Variants in IL5RA observed in about 807,000 individuals in gnomAD.
IL5RA encodes the protein interleukin 5 receptor subunit alpha, also known as interleukin-5 receptor subunit alpha.
A neutral mutation model predicts 50.0 loss-of-function variants in IL5RA; 49 were observed. That is an observed-to-expected ratio of 0.98 (90% CI 0.78 to 1.24). IL5RA has a LOEUF of 1.24. Among genes scored for constraint, IL5RA ranks in the 50% most tolerant of loss-of-function variants. The pLI is 0.00. For missense variants in IL5RA, 600 were observed against 500.4 expected (o/e 1.20, Z -1.90); for synonymous variants, 202 against 174.0 (o/e 1.16, Z -1.26).
intron 9 of IL5RA, among the ~76,000 whole-genome samples, chr3:3,082,223 C>T (rs59846188): frequency 2.0e-4 from 30 of 151,960 alleles, no homozygotes; most frequent in African/African-American, 2.7e-4. Flanking sequence ...TGGGAGATCC[C>T]GTAGTATAGT....
chr3:3,082,966 A>G (rs114436130), intron 9 of IL5RA, among the ~76,000 whole-genome samples: 167 of 152,324 alleles, frequency 1.1e-3, no homozygotes, highest in African/African-American at 3.9e-3. Flanking sequence ...TAGTAAATTG[A>G]TGGGATGCTT....
At chr3:3,087,551 G>T (rs17879222) in intron 9 of IL5RA, among the ~76,000 whole-genome samples, 130 of 152,026 alleles carry the variant, frequency 8.6e-4, no homozygotes, top group African/African-American at 2.5e-3. Context: ...TGAGAAAATT[G>T]TATATTAATA....
chr3:3,084,773 G>T (rs1702791956), intron 9 of IL5RA, among the ~76,000 whole-genome samples: 1 of 152,256 alleles, frequency 6.6e-6, no homozygotes, highest in Admixed American at 6.5e-5. Context: ...GCTTCCAGCA[G>T]TTCCTTCACC....
chr3:3,075,597 G>A (rs71311733), intron 10 of IL5RA, among the ~76,000 whole-genome samples: 3 of 149,432 alleles, frequency 2.0e-5, no homozygotes, highest in Admixed American at 1.3e-4. Flanking sequence ...CTGTTTAATA[G>A]AAAAGTCTTT....
rs1216073420 is a variant in IL5RA at position 3,067,160 on chromosome 3, C to G, written c.*3065G>C. 6.6e-6 allele frequency: 1 copy of G among 152,240 alleles called. No homozygotes were observed. Among genetic ancestry groups the G allele is most frequent in the Non-Finnish European group, 1.5e-5 (1 of 68,054 alleles). 9.4% of individuals were successfully genotyped at this position (152,240 alleles called of 1,614,324 possible). ...ACAGTGAGCCACTTCTGAAATGCCT[C>G]TTACACAGCAATTTATACATAACCA... On this transcript the variant is annotated 3_prime_UTR_variant, in exon 12 of 12. Coordinates refer to ENST00000446632, the MANE Select transcript of IL5RA (RefSeq NM_175726.4).
chr3:3,079,318 G>A (rs1702588366), intron 9 of IL5RA, among the ~76,000 whole-genome samples: 1 of 152,060 alleles, frequency 6.6e-6, no homozygotes, highest in South Asian at 2.1e-4. Flanking sequence ...AAAACCAAAC[G>A]CATGTTCTTC....
chr3:3,103,688 T>C (rs1451471988), intron 3 of IL5RA, among the ~76,000 whole-genome samples: 3 of 152,176 alleles, frequency 2.0e-5, no homozygotes, highest in Non-Finnish European at 4.4e-5. Flanking sequence ...TATCTGTTTA[T>C]TGAAGAAATT....
At chr3:3,075,604 C>CTT (rs759123797) in intron 10 of IL5RA, among the ~76,000 whole-genome samples, 1 of 135,366 alleles carries the variant, frequency 7.4e-6, no homozygotes, top group Non-Finnish European at 1.6e-5. Flanking sequence ...ATAGAAAAGT[C>CTT]TTTTTTTTTT....
At chr3:3,103,610 TC>T (rs527745263) in intron 3 of IL5RA, among the ~76,000 whole-genome samples, 8 of 152,150 alleles carry the variant, frequency 5.3e-5, no homozygotes, top group Non-Finnish European at 1.0e-4. Context: ...AAAGGTTTCT[TC>T]CCCCTGCATG....
chr3:3,076,639 C>A lies in IL5RA; in HGVS notation c.995-12G>T, dbSNP rs1702495207. The A allele has an allele frequency of 4.5e-6, 7 of 1,558,168 alleles. No individual in the cohort carries two copies. Among genetic ancestry groups the A allele is most frequent in the East Asian group, 4.5e-5 (2 of 44,512 alleles). ...GTGTTCATCATTTCCTGGTGGAAAA[C>A]AAAAAAGAAACAAAAAAATATAAAG... On this transcript the variant is annotated splice_polypyrimidine_tract_variant and intron_variant, in intron 9 of 11. Transcript: ENST00000446632.
Position 3,103,019 on chromosome 3 carries a change from C to CGCATG in IL5RA, c.83-204_83-200dup, listed in dbSNP as rs555932295. On this transcript the variant is annotated intron_variant, in intron 3 of 11. Transcript: ENST00000446632. Reference sequence around the variant, plus strand: ...CTACCCGAGTAGCTGGGACTACAGGCGCATGCCACCATGCTGGGCTAATGT... The same window carrying CGCATG: ...CTACCCGAGTAGCTGGGACTACAGGCGCATGGCATGCCACCATGCTGGGCTAATGT... The CGCATG allele has an allele frequency of 9.0e-6, 4 of 443,082 alleles. No homozygotes were observed. In the South Asian group the frequency reaches 1.3e-4, roughly 14 times the overall value. The allele number at this position is 443,082 out of a possible 1,614,324, so 27.4% of individuals were successfully genotyped here. A position where few individuals can be genotyped will look rare whatever the true frequency, so the allele number is the denominator to read the frequency against.
At position 3,104,299 on chromosome 3, in the gene IL5RA, A is replaced by C. The variant is rs559983368; in HGVS notation, c.82+604T>G. Among the ~76,000 whole-genome samples the C allele has an allele frequency of 2.1e-4, 32 of 152,334 alleles. No individual in the cohort carries two copies. In the East Asian group the frequency reaches 6.2e-3, roughly 29 times the overall value. ...AGTGATCCACCTGCCCCGGCCTCCC[A>C]AAGTGCTGGGATTACAGGTGTGAGC... On this transcript the variant is annotated intron_variant, in intron 3 of 11. Coordinates refer to ENST00000446632, the MANE Select transcript of IL5RA (RefSeq NM_175726.4).
rs1702248230 is a variant in IL5RA, at chr3:3,070,132, C to G, written c.*93G>C. On this transcript the variant is annotated 3_prime_UTR_variant, in exon 12 of 12. Transcript: ENST00000446632. ...AGGTAAATTGAGTGTTGCCTAAATT[C>G]TGAACACCTCTTAGCCAAGAGCCAG... 1.3e-6 allele frequency: 1 copy of G among 784,676 alleles called. No homozygotes were observed. Among genetic ancestry groups the G allele is most frequent in the Admixed American group, 2.3e-5 (1 of 43,892 alleles). 48.6% of individuals were successfully genotyped at this position (784,676 alleles called of 1,614,324 possible). A position where few individuals can be genotyped will look rare whatever the true frequency, so the allele number is the denominator to read the frequency against.
chr3:3,070,575 CTTTTTTTTTTTTTTTT>C (rs71058670), intron 11 of IL5RA, among the ~76,000 whole-genome samples: 1 of 84,902 alleles, frequency 1.2e-5, no homozygotes, highest in South Asian at 4.5e-4. Context: ...GGATACACAT[CTTTTTTTTTTTTTTTT>C]TTTTTTTTTA....
rs1703631366 is a variant in IL5RA at position 3,101,132 on chromosome 3, A to G, written c.367+560T>C. On this transcript the variant is annotated intron_variant, in intron 5 of 11. Transcript: ENST00000446632. ...AGGCAGAGGTTGCAGTGAGTCAAGAACACACCACTGCACTTCAGCCTGGGC... is the reference window on the plus strand; with the variant it reads ...AGGCAGAGGTTGCAGTGAGTCAAGAGCACACCACTGCACTTCAGCCTGGGC... Among the ~76,000 whole-genome samples the G allele has an allele frequency of 3.3e-5, 5 of 151,700 alleles. No homozygotes were observed. The South Asian group carries it at 1.0e-3, about 32-fold the overall frequency.
intron 11 of IL5RA, among the ~76,000 whole-genome samples, chr3:3,071,598 T>TGTG (rs1491222432): frequency 8.6e-5 from 11 of 127,496 alleles, no homozygotes; most frequent in African/African-American, 2.0e-4. Context: ...TGTGTGTGTA[T>TGTG]TTTTTTTTTT....
intron 2 of IL5RA, 23 bp from the exon 3 acceptor site, chr3:3,105,010 C>A: frequency 2.1e-6 from 3 of 1,458,204 alleles, no homozygotes; most frequent in South Asian, 1.2e-5. Context: ...AGGGAGATAC[C>A]AAAATCATCT....
At chr3:3,082,455 G>C (rs1427730472) in intron 9 of IL5RA, among the ~76,000 whole-genome samples, 1 of 152,200 alleles carries the variant, frequency 6.6e-6, no homozygotes, top group East Asian at 1.9e-4. Context: ...AGGAGGAGAA[G>C]CTCTCCAGAC....
intron 2 of IL5RA, among the ~76,000 whole-genome samples, chr3:3,105,801 G>A (rs561733890): frequency 1.3e-5 from 2 of 152,314 alleles, no homozygotes; most frequent in South Asian, 4.1e-4. Context: ...TCGGCATCCT[G>A]TTCTACATGT....
Sources: allele counts gnomAD v4.1 joint callset (sites outside exome capture counted in the v4.1 genomes callset), GRCh38; gene constraint gnomAD v4.1.1; transcripts MANE v1.5; gene names NCBI Gene and HGNC (gene_info 2026-07-23, HGNC 2026-07-21).